Variants in SLIT3 observed in about 807,000 individuals in gnomAD.
SLIT3 encodes the protein slit guidance ligand 3.
Under a neutral mutation model 184.0 loss-of-function variants are expected in SLIT3, and 68 were observed. The ratio of observed to expected loss-of-function variants is 0.37; its 90% CI spans 0.30 to 0.45. SLIT3 has a LOEUF of 0.45. Among genes scored for constraint, SLIT3 ranks in the 20% least tolerant of loss-of-function variants. SLIT3 has a pLI of 1.00. For synonymous variants in SLIT3, 831 were observed against 828.6 expected, an observed-to-expected ratio of 1.00 and a Z score of -0.05; for missense variants, 1,707 against 2,026.0, an observed-to-expected ratio of 0.84 and a Z score of 3.02.
intron 4 of SLIT3, among the ~76,000 whole-genome samples, chr5:168,994,556 T>C (rs1033803532): frequency 4.0e-5 from 6 of 149,228 alleles, no homozygotes; most frequent in African/African-American, 9.9e-5. Flanking sequence ...CATTCGCTGG[T>C]CAAAGTGGTT....
At chr5:169,212,731 T>A (rs1178856901) in intron 3 of SLIT3, among the ~76,000 whole-genome samples, 1 of 152,214 alleles carries the variant, frequency 6.6e-6, no homozygotes, top group Non-Finnish European at 1.5e-5. Context: ...TAAGTTTTCT[T>A]GCAGGGTTTT....
intron 4 of SLIT3, among the ~76,000 whole-genome samples, chr5:169,043,298 T>C (rs911685966): frequency 5.3e-5 from 8 of 152,238 alleles, no homozygotes; most frequent in Non-Finnish European, 1.0e-4. Context: ...CCTCATTAAT[T>C]TGGGCTGGTT....
chr5:169,138,749 G>T (rs1416489667), intron 4 of SLIT3, among the ~76,000 whole-genome samples: 1 of 152,148 alleles, frequency 6.6e-6, no homozygotes, highest in African/African-American at 2.4e-5. Context: ...ATGCCCCCAC[G>T]CATGGCACAC....
At chr5:168,977,950 G>A (rs1395905927) in intron 4 of SLIT3, among the ~76,000 whole-genome samples, 1 of 152,120 alleles carries the variant, frequency 6.6e-6, no homozygotes, top group African/African-American at 2.4e-5. Flanking sequence ...TGGGCAGGAG[G>A]TGAAGTGAAG....
rs570331857 is a variant in SLIT3 at position 168,710,906 on chromosome 5, A to T, written c.2708T>A (p.Phe903Tyr). 6.5e-7 allele frequency: 1 copy of T among 1,547,314 alleles called. No homozygotes were observed. The highest frequency in any genetic ancestry group is 1.2e-5 in the South Asian group (1 of 82,882). Residue 903 changes from phenylalanine (F) to tyrosine (Y), a missense_variant, in exon 25 of 36, where the codon TTC becomes TAC. Around this residue, in one of 3 missense-constraint regions of SLIT3, gnomAD observed 1,307 missense variants for 1,511.6 expected, o/e 0.86. Transcript: ENST00000519560. ...TGGGCGTCACCTACCTTTGCACTGG[A>T]AGCGGTGGGTTGGGGTGGTGAGCAG... is the stretch of plus-strand genomic sequence containing the variant. ...RLLLTTPTHR[F>Y]QCKGPVDINI...
At chr5:169,092,928 A>T (rs1759645137) in intron 4 of SLIT3, among the ~76,000 whole-genome samples, 3 of 152,198 alleles carry the variant, frequency 2.0e-5, no homozygotes, top group Admixed American at 2.0e-4. Flanking sequence ...CCTGATACAG[A>T]GTGTGTAGCG....
At chr5:169,085,112 A>G (rs1258657431) in intron 4 of SLIT3, among the ~76,000 whole-genome samples, 2 of 152,172 alleles carry the variant, frequency 1.3e-5, no homozygotes, top group Non-Finnish European at 2.9e-5. Context: ...CCAATTCTCT[A>G]TAGACTCCAG....
chr5:169,126,323 A>G (rs1027636588), intron 4 of SLIT3, among the ~76,000 whole-genome samples: 3 of 152,234 alleles, frequency 2.0e-5, no homozygotes, highest in Non-Finnish European at 2.9e-5. Context: ...AAAGCAGGAG[A>G]GAGAGAGGAA....
chr5:168,927,037 A>T (rs1761850336), intron 4 of SLIT3, among the ~76,000 whole-genome samples: 2 of 152,222 alleles, frequency 1.3e-5, no homozygotes, highest in South Asian at 4.1e-4. Context: ...ATACCCCCCT[A>T]AATTGAATGC....
chr5:169,238,543 C>CTA (rs375264356), intron 3 of SLIT3, among the ~76,000 whole-genome samples: 3 of 117,144 alleles, frequency 2.6e-5, no homozygotes, highest in Admixed American at 8.9e-5. Context: ...AGTGAAATAG[C>CTA]TTTTTTTTTT....
At chr5:169,285,208 C>A (rs996713901) in intron 1 of SLIT3, among the ~76,000 whole-genome samples, 8 of 152,184 alleles carry the variant, frequency 5.3e-5, no homozygotes, top group African/African-American at 1.4e-4. Context: ...TGAGCCACTG[C>A]ACCTGGGCCT....
intron 4 of SLIT3, among the ~76,000 whole-genome samples, chr5:168,973,243 A>AATTTT (rs1754639644): frequency 6.6e-6 from 1 of 151,772 alleles, no homozygotes; most frequent in Non-Finnish European, 1.5e-5. Context: ...TGAAAATTTT[A>AATTTT]ATTATTATTA....
chr5:169,196,747 C>A (rs1234100736), intron 3 of SLIT3, among the ~76,000 whole-genome samples: 1 of 152,154 alleles, frequency 6.6e-6, no homozygotes, highest in Non-Finnish European at 1.5e-5. Flanking sequence ...AACAACAGCT[C>A]CCTCTCCCTT....
At position 168,856,257 on chromosome 5, in the gene SLIT3, T is replaced by C. The variant is rs141933585; in HGVS notation, c.486-11602A>G. Among the ~76,000 whole-genome samples the C allele has an allele frequency of 6.6e-5, 10 of 152,354 alleles. No individual in the cohort carries two copies. In the East Asian group the frequency reaches 1.7e-3, roughly 26 times the overall value. ...GGAAAGGAGAAAAAGTGAAGCTTGC[T>C]CTTTCCATGACAGGCAGGAACTTTA... On this transcript the variant is annotated intron_variant, in intron 5 of 35. Coordinates refer to ENST00000519560, the MANE Select transcript of SLIT3 (RefSeq NM_003062.4).
rs71575505 is a variant in SLIT3, at chr5:168,998,893, C to CTGTGTGTGTGTG, written c.414-115569_414-115558dup. ...AAATTCTGGGAGGGGACCCAGAAAT[C>CTGTGTGTGTGTG]TGTGTGTGTGTGTGTGTGTGTGTGT... On this transcript the variant is annotated intron_variant, in intron 4 of 35. Transcript: ENST00000519560. 1.0e-3 allele frequency among the ~76,000 whole-genome samples: 145 copies of CTGTGTGTGTGTG among 143,290 alleles called. 2 individuals are homozygous for CTGTGTGTGTGTG. Among genetic ancestry groups the CTGTGTGTGTGTG allele is most frequent in the African/African-American group, 3.7e-3 (141 of 38,588 alleles). The allele number at this position is 143,290 out of a possible 152,430, so 94.0% of individuals were successfully genotyped here.
chr5:168,911,524 G>T (rs1183903427), intron 4 of SLIT3, among the ~76,000 whole-genome samples: 1 of 152,124 alleles, frequency 6.6e-6, no homozygotes, highest in African/African-American at 2.4e-5. Flanking sequence ...TCTTGAAACC[G>T]GCTCGCCACA....
At chr5:169,137,538 C>G (rs1761565600) in intron 4 of SLIT3, among the ~76,000 whole-genome samples, 1 of 152,036 alleles carries the variant, frequency 6.6e-6, no homozygotes, top group African/African-American at 2.4e-5. Context: ...GGCCAGGATA[C>G]CCTCCTGACA....
chr5:168,671,740 C>A (rs1761255391), intron 33 of SLIT3, among the ~76,000 whole-genome samples: 1 of 152,146 alleles, frequency 6.6e-6, no homozygotes, highest in Non-Finnish European at 1.5e-5. Flanking sequence ...AAATTTGTAT[C>A]TTGGACTTCC....
intron 16 of SLIT3, among the ~76,000 whole-genome samples, chr5:168,757,683 G>C (rs978936281): frequency 8.5e-5 from 13 of 152,228 alleles, no homozygotes; most frequent in African/African-American, 3.1e-4. Flanking sequence ...GATCCGCCTG[G>C]CTCAGCCTCC....
Sources: gnomAD v4.1 joint callset for allele counts (sites outside exome capture counted in the v4.1 genomes callset) on GRCh38, gnomAD v4.1.1 for gene constraint, gnomAD v4.1.1 regional missense constraint, MANE v1.5 for transcripts, NCBI Gene and HGNC (gene_info 2026-07-23, HGNC 2026-07-21) for gene names.